EPM2A: variants seen among roughly 807,000 people sequenced by gnomAD.
EPM2A encodes the protein EPM2A glucan phosphatase, laforin, also known as laforin.
A neutral mutation model predicts 26.5 loss-of-function variants in EPM2A; 21 were observed. That is an observed-to-expected ratio of 0.79 (90% CI 0.56 to 1.14). EPM2A has a LOEUF of 1.14. Among genes scored for constraint, EPM2A ranks in the 50% most tolerant of loss-of-function variants. The pLI, the probability that EPM2A is intolerant of heterozygous loss-of-function variation, is 0.00. For missense variants in EPM2A, 458 were observed against 440.8 expected, an observed-to-expected ratio of 1.04 and a Z score of -0.35; for synonymous variants, 217 against 177.6, an observed-to-expected ratio of 1.22 and a Z score of -1.76.
At chr6:145,704,932 T>A (rs879773094) in intron 1 of EPM2A, among the ~76,000 whole-genome samples, 88 of 152,260 alleles carry the variant, frequency 5.8e-4, no homozygotes, top group Non-Finnish European at 1.0e-3. Flanking sequence ...AACTTATGCT[T>A]TAAGACAGCG....
In EPM2A at chr6:145,659,775, C is replaced by A. The variant is rs1480991534; in HGVS notation, c.477-24289G>T. 3.9e-5 allele frequency among the ~76,000 whole-genome samples: 6 copies of A among 152,300 alleles called. No homozygotes were observed. In the South Asian group the frequency reaches 1.2e-3, roughly 32 times the overall value. The stretch of plus-strand genomic sequence containing the variant: ...AACTGGATGTGTAAACAGACTGTAA[C>A]CTACTCTTGTACCAACCACAGAGTT... On this transcript the variant is annotated intron_variant, in intron 2 of 3. Transcript: ENST00000367519.
chr6:145,561,098 G>A (rs1780798130), intron 2 of EPM2A, among the ~76,000 whole-genome samples: 2 of 151,064 alleles, frequency 1.3e-5, no homozygotes, highest in South Asian at 4.2e-4. Flanking sequence ...AGTCCTGCAA[G>A]CTCCATTTAT....
intron 1 of EPM2A, among the ~76,000 whole-genome samples, chr6:145,725,139 A>G (rs1487069301): frequency 3.8e-5 from 4 of 104,654 alleles, no homozygotes; most frequent in Non-Finnish European, 8.7e-5. Flanking sequence ...TTAAAAATGA[A>G]AAGATCTGAA....
chr6:145,395,591 C>A (rs1778394642), intron 4 of EPM2A, among the ~76,000 whole-genome samples: 1 of 152,170 alleles, frequency 6.6e-6, no homozygotes, highest in Non-Finnish European at 1.5e-5. Flanking sequence ...GCACCACACT[C>A]AGCATCTTTC....
At chr6:145,419,501 T>C (rs73785032) in intron 4 of EPM2A, among the ~76,000 whole-genome samples, 93 of 152,330 alleles carry the variant, frequency 6.1e-4, no homozygotes, top group African/African-American at 2.1e-3. Context: ...TTGATGTGAA[T>C]TGCCTTAAAT....
chr6:145,400,648 T>G (rs1778471852), intron 4 of EPM2A, among the ~76,000 whole-genome samples: 1 of 152,182 alleles, frequency 6.6e-6, no homozygotes, highest in Admixed American at 6.5e-5. Context: ...TGTATTAATT[T>G]CAATGTTAAG....
At chr6:145,627,714 C>A in intron 3 of EPM2A, 21 bp from the exon 4 acceptor site, 1 of 1,612,900 alleles carries the variant, frequency 6.2e-7, no homozygotes, top group South Asian at 1.1e-5. Context: ...GAAAGCACAG[C>A]ACACATGTGA....
chr6:145,458,546 G>C (rs1779290915), intron 4 of EPM2A, among the ~76,000 whole-genome samples: 1 of 152,096 alleles, frequency 6.6e-6, no homozygotes, highest in South Asian at 2.1e-4. Context: ...AATCACGATG[G>C]CAGTTACAAA....
At chr6:145,571,769 C>T (rs1418196226) in intron 2 of EPM2A, among the ~76,000 whole-genome samples, 1 of 152,204 alleles carries the variant, frequency 6.6e-6, no homozygotes, top group African/African-American at 2.4e-5. Flanking sequence ...ATCCATGCCA[C>T]CATGGCCACT....
chr6:145,541,209 G>GTC (rs1780505331), intron 2 of EPM2A, among the ~76,000 whole-genome samples: 1 of 139,306 alleles, frequency 7.2e-6, no homozygotes. Context: ...GTGTGTGTGT[G>GTC]TACCAAGTAT....
chr6:145,496,202 A>G (rs1312266959), intron 4 of EPM2A, among the ~76,000 whole-genome samples: 2 of 152,092 alleles, frequency 1.3e-5, no homozygotes, highest in African/African-American at 4.8e-5. Flanking sequence ...CTTTGTAGGT[A>G]ATCTGGCCTT....
chr6:145,554,830 T>C (rs1386465459), intron 2 of EPM2A, among the ~76,000 whole-genome samples: 1 of 152,126 alleles, frequency 6.6e-6, no homozygotes, highest in Admixed American at 6.6e-5. Context: ...CATATGATTA[T>C]AGGAGCTGGC....
chr6:145,471,668 A>C (rs542494941), intron 4 of EPM2A, among the ~76,000 whole-genome samples: 52 of 152,274 alleles, frequency 3.4e-4, no homozygotes, highest in Non-Finnish European at 6.2e-4. Context: ...AACCAGACAA[A>C]GTGAGCTGAT....
At chr6:145,523,569 TATAA>T (rs1240879400) in intron 2 of EPM2A, among the ~76,000 whole-genome samples, 1 of 152,186 alleles carries the variant, frequency 6.6e-6, no homozygotes, top group Non-Finnish European at 1.5e-5. Context: ...ACCATACCCA[TATAA>T]ATAAGATGGT....
intron 3 of EPM2A, chr6:145,633,801 C>G (rs1562421956): frequency 6.6e-6 from 1 of 152,182 alleles, no homozygotes; most frequent in Non-Finnish European, 1.5e-5. Context: ...AAGAACCTGC[C>G]TGAAGCGTCT....
intron 4 of EPM2A, among the ~76,000 whole-genome samples, chr6:145,440,680 A>T (rs1475828739): frequency 2.0e-5 from 3 of 152,344 alleles, no homozygotes; most frequent in Non-Finnish European, 2.9e-5. Context: ...TGGTCAAAAC[A>T]AAGGGGCTAA....
intron 2 of EPM2A, among the ~76,000 whole-genome samples, chr6:145,681,979 C>T (rs1780571482): frequency 6.6e-6 from 1 of 152,214 alleles, no homozygotes; most frequent in South Asian, 2.1e-4. Context: ...AATTAGGTGG[C>T]TACCCTAATA....
chr6:145,652,641 C>A (rs192894046), intron 2 of EPM2A, among the ~76,000 whole-genome samples: 1 of 152,012 alleles, frequency 6.6e-6, no homozygotes, highest in Non-Finnish European at 1.5e-5. Context: ...GTAATTATCA[C>A]AAGGATAACC....
Position 145,686,291 on chromosome 6 carries a change from C to T in EPM2A, c.307G>A (p.Gly103Arg). Residue 103 changes from glycine to arginine, a missense_variant, in exon 2 of 4, where the codon GGA becomes AGA. Transcript: ENST00000367519. Reference sequence around the variant, plus strand: ...GTACAGCAACGGTCATGATGAGGTCCATTGCCTAGAACAAGAAAAAATGAT... The same window carrying T: ...GTACAGCAACGGTCATGATGAGGTCTATTGCCTAGAACAAGAAAAAATGAT... ...PGGELSWEGN[G>R]PHHDRCCTYN... 1 of 1,613,328 alleles carries T rather than the reference C, an allele frequency of 6.2e-7. No individual in the cohort carries two copies. The highest frequency in any genetic ancestry group is 8.5e-7 in the Non-Finnish European group (1 of 1,179,398).
Sources: gnomAD v4.1 joint callset for allele counts (sites outside exome capture counted in the v4.1 genomes callset) on GRCh38, gnomAD v4.1.1 for gene constraint, MANE v1.5 for transcripts, NCBI Gene and HGNC (gene_info 2026-07-23, HGNC 2026-07-21) for gene names.